Variants in GMDS observed in about 807,000 individuals in gnomAD.
The protein encoded by GMDS is GDP-mannose 4,6 dehydratase.
GMDS carries 20 observed loss-of-function variants against 49.9 expected under a neutral mutation model. The ratio of observed to expected loss-of-function variants is 0.40; its 90% CI spans 0.28 to 0.58. The LOEUF (loss-of-function observed/expected upper bound fraction) is 0.58. Among genes scored for constraint, GMDS ranks in the 20% least tolerant of loss-of-function variants. The pLI is 0.42. For synonymous variants in GMDS, 177 were observed against 178.6 expected (o/e 0.99, Z 0.07); for missense variants, 362 against 481.4 (o/e 0.75, Z 2.32).
intron 7 of GMDS, among the ~76,000 whole-genome samples, chr6:1,786,701 C>T (rs1581180306): frequency 1.3e-5 from 2 of 152,264 alleles, no homozygotes; most frequent in East Asian, 3.9e-4. Flanking sequence ...TCCCAGGAGC[C>T]TGGTTTTGGT....
At chr6:2,189,335 C>T (rs900659715) in intron 1 of GMDS, among the ~76,000 whole-genome samples, 13 of 152,110 alleles carry the variant, frequency 8.5e-5, no homozygotes, top group Non-Finnish European at 1.3e-4. Context: ...GGTTGTTTTA[C>T]CTGTGGTGAC....
intron 4 of GMDS, among the ~76,000 whole-genome samples, chr6:2,088,652 C>G (rs1773147115): frequency 6.6e-6 from 1 of 152,104 alleles, no homozygotes; most frequent in African/African-American, 2.4e-5. Context: ...AACACTGGTT[C>G]TTTCTGATCA....
intron 1 of GMDS, among the ~76,000 whole-genome samples, chr6:2,129,616 C>T (rs1038293069): frequency 2.0e-5 from 3 of 152,152 alleles, no homozygotes; most frequent in Admixed American, 6.5e-5. Flanking sequence ...AGAAAGCACT[C>T]GTTTGCACTG....
Position 1,686,217 on chromosome 6 carries a change from C to T in GMDS, c.987+40199G>A, listed in dbSNP as rs77783755. Reference sequence around the variant, plus strand: ...CTGCACTCTGAAACCCGAGATGACGCGGCCTCTTTCCCGCACAACAGTGTA... The same window carrying T: ...CTGCACTCTGAAACCCGAGATGACGTGGCCTCTTTCCCGCACAACAGTGTA... On this transcript the variant is annotated intron_variant, in intron 9 of 10. Coordinates refer to ENST00000380815, the MANE Select transcript of GMDS (RefSeq NM_001500.4). Among the ~76,000 whole-genome samples, 1,131 of 152,290 alleles carry T rather than the reference C, an allele frequency of 7.4e-3. 16 individuals are homozygous for T. Among genetic ancestry groups the T allele is most frequent in the African/African-American group, 0.026 (1,066 of 41,558 alleles).
intron 6 of GMDS, among the ~76,000 whole-genome samples, chr6:1,944,398 G>A (rs539192538): frequency 4.1e-4 from 63 of 152,158 alleles, no homozygotes; most frequent in African/African-American, 1.5e-3. Context: ...CCAGCTGCTC[G>A]GGAGGCTGAG....
intron 7 of GMDS, among the ~76,000 whole-genome samples, chr6:1,813,218 T>C (rs1479671159): frequency 2.0e-5 from 2 of 99,804 alleles, no homozygotes; most frequent in Non-Finnish European, 3.8e-5. Context: ...CAAGACTCTG[T>C]CTCTTAAAAA....
chr6:2,168,296 A>C (rs1036307893), intron 1 of GMDS, among the ~76,000 whole-genome samples: 2 of 152,222 alleles, frequency 1.3e-5, no homozygotes, highest in African/African-American at 4.8e-5. Context: ...GTTCTTTACC[A>C]ACAACAGCAT....
At chr6:1,689,057 G>T (rs1328606879) in intron 9 of GMDS, among the ~76,000 whole-genome samples, 1 of 152,088 alleles carries the variant, frequency 6.6e-6, no homozygotes, top group Admixed American at 6.6e-5. Context: ...GATAACCTTT[G>T]GGCCATAATA....
At chr6:1,726,620 T>C in intron 8 of GMDS, 108 bp from the exon 9 acceptor site, 1 of 765,278 alleles carries the variant, frequency 1.3e-6, no homozygotes. Flanking sequence ...GCGCTTAAGC[T>C]CATTAACCAC....
At chr6:2,007,811 C>T (rs1194252659) in intron 4 of GMDS, among the ~76,000 whole-genome samples, 1 of 152,070 alleles carries the variant, frequency 6.6e-6, no homozygotes, top group African/African-American at 2.4e-5. Context: ...AACTGAATGG[C>T]TGATATTATA....
intron 4 of GMDS, among the ~76,000 whole-genome samples, chr6:1,983,369 G>A (rs543392678): frequency 2.6e-5 from 4 of 152,054 alleles, no homozygotes. Context: ...AAAAGCAAAA[G>A]TTGAGAAATT....
chr6:2,124,930 T>C (rs2127509878), intron 1 of GMDS, among the ~76,000 whole-genome samples, 199 bp from the exon 2 acceptor site: 1 of 152,306 alleles, frequency 6.6e-6, no homozygotes, highest in South Asian at 2.1e-4. Flanking sequence ...ACAAACAGTA[T>C]TCATTTGAGC....
Position 1,800,105 on chromosome 6 carries a change from G to T in GMDS, c.772-57519C>A, listed in dbSNP as rs944572304. ...CCTTCCTCCCACCTTGACTAGGGCT[G>T]CTTGATGATGCCCATATGGTGGTTG... On this transcript the variant is annotated intron_variant, in intron 7 of 10. Transcript: ENST00000380815. 2.6e-5 allele frequency among the ~76,000 whole-genome samples: 4 copies of T among 152,308 alleles called. No individual in the cohort carries two copies. In the East Asian group the frequency reaches 7.7e-4, roughly 29 times the overall value.
intron 4 of GMDS, among the ~76,000 whole-genome samples, chr6:2,091,935 G>A (rs1463174838): frequency 6.6e-6 from 1 of 151,854 alleles, no homozygotes; most frequent in Non-Finnish European, 1.5e-5. Flanking sequence ...TACAGACCAT[G>A]AATCTACATA....
At chr6:1,904,099 G>C (rs1760636133) in intron 7 of GMDS, among the ~76,000 whole-genome samples, 1 of 152,170 alleles carries the variant, frequency 6.6e-6, no homozygotes, top group South Asian at 2.1e-4. Context: ...GTGATGTCAG[G>C]ACAGGCCCTC....
At position 2,219,679 on chromosome 6, in the gene GMDS, C is replaced by A. The variant is rs139482737; in HGVS notation, c.102+25642G>T. ...CACAGACCAGTAACAAACAGAGCAC[C>A]GACCACACCAGTTAAAAGACCACAC... On this transcript the variant is annotated intron_variant, in intron 1 of 10. Coordinates refer to ENST00000380815, the MANE Select transcript of GMDS (RefSeq NM_001500.4). Among the ~76,000 whole-genome samples, 831 of 152,180 alleles carry A rather than the reference C, an allele frequency of 5.5e-3. 2 individuals carry two copies. Among genetic ancestry groups the A allele is most frequent in the Middle Eastern group, 0.017 (5 of 294 alleles).
At chr6:1,798,137 G>C (rs1339458103) in intron 7 of GMDS, among the ~76,000 whole-genome samples, 6 of 151,924 alleles carry the variant, frequency 3.9e-5, no homozygotes, top group Non-Finnish European at 4.4e-5. Context: ...CTTCAGAAAA[G>C]CACTCATTCC....
chr6:1,961,604 T>C (rs908742431), intron 4 of GMDS, among the ~76,000 whole-genome samples: 5 of 152,266 alleles, frequency 3.3e-5, no homozygotes, highest in Admixed American at 2.6e-4. Context: ...GAGCACTTTT[T>C]AAAAACAAGT....
At chr6:1,690,705 C>T (rs558340610) in intron 9 of GMDS, among the ~76,000 whole-genome samples, 33 of 152,276 alleles carry the variant, frequency 2.2e-4, no homozygotes, top group Middle Eastern at 3.4e-3. Context: ...GCAAAGGACA[C>T]AAACACACAC....
Sources: gnomAD v4.1 joint callset for allele counts (sites outside exome capture counted in the v4.1 genomes callset) on GRCh38, gnomAD v4.1.1 for gene constraint, MANE v1.5 for transcripts, NCBI Gene and HGNC (gene_info 2026-07-23, HGNC 2026-07-21) for gene names.